The following PTPRQ variants were observed in gnomAD, a reference collection of about 807,000 sequenced individuals.
PTPRQ encodes the protein phosphatidylinositol phosphatase PTPRQ.
PTPRQ carries 199 observed loss-of-function variants against 246.0 expected under a neutral mutation model. That is an observed-to-expected ratio of 0.81 (90% CI 0.72 to 0.91). PTPRQ has a LOEUF of 0.91. Ranked by LOEUF, PTPRQ falls within the 40% of genes least tolerant of loss-of-function variation. PTPRQ has a pLI of 0.00. For missense variants in PTPRQ, 2,624 were observed against 2,528.4 expected, an observed-to-expected ratio of 1.04 and a Z score of -0.81; for synonymous variants, 869 against 853.2, an observed-to-expected ratio of 1.02 and a Z score of -0.32.
Position 80,495,043 on chromosome 12 carries a change from A to G in PTPRQ, c.1651A>G (p.Ile551Val), listed in dbSNP as rs183202655. 6.2e-5 allele frequency: 96 copies of G among 1,550,540 alleles called. No homozygotes were observed. Among genetic ancestry groups the G allele is most frequent in the African/African-American group, 5.2e-4 (38 of 73,050 alleles). Residue 551 changes from isoleucine to valine, a missense_variant, in exon 11 of 45, where the codon ATC (isoleucine) becomes GTC (valine). By Grantham distance (29) the Ile-to-Val change is conservative. Transcript: ENST00000644991. Reference sequence around the variant, plus strand: ...CATGATTAGTGTATCTGCTTTCACCATCATGGGAGAAGGACCACCAACAGT... The same window carrying G: ...CATGATTAGTGTATCTGCTTTCACCGTCATGGGAGAAGGACCACCAACAGT... ...EHMISVSAFTIMGEGPPTVLS... is the reference protein window; with the variant it reads ...EHMISVSAFTVMGEGPPTVLS...
At chr12:80,624,780 A>G (rs938201352) in intron 33 of PTPRQ, among the ~76,000 whole-genome samples, 1 of 152,200 alleles carries the variant, frequency 6.6e-6, no homozygotes, top group African/African-American at 2.4e-5. Flanking sequence ...TGACATTGAT[A>G]GAACGCTGTA....
intron 17 of PTPRQ, among the ~76,000 whole-genome samples, chr12:80,520,109 C>T (rs76948670): frequency 0.019 from 2,909 of 152,104 alleles, 95 homozygotes; most frequent in African/African-American, 0.066. Context: ...CTTATTGTCA[C>T]GAACAGTCTG....
chr12:80,675,550 T>C (rs1429921730), intron 43 of PTPRQ, among the ~76,000 whole-genome samples: 1 of 152,186 alleles, frequency 6.6e-6, no homozygotes, highest in Non-Finnish European at 1.5e-5. Flanking sequence ...TTGGGTAGGA[T>C]AGAGGATGGA....
chr12:80,495,687 C>T (rs1475289986), intron 12 of PTPRQ, among the ~76,000 whole-genome samples: 14 of 151,962 alleles, frequency 9.2e-5, no homozygotes, highest in Admixed American at 6.6e-4. Flanking sequence ...CTAAAATGTA[C>T]GAATGCAAAA....
Position 80,506,669 on chromosome 12 carries a change from T to A in PTPRQ, c.2556T>A (p.Asp852Glu). Residue 852 changes from aspartate (D) to glutamate (E), a missense_variant and splice_region_variant, in exon 16 of 45, where the codon GAT becomes GAA. Coordinates refer to ENST00000644991, the MANE Select transcript of PTPRQ (RefSeq NM_001145026.2). Reference sequence around the variant, plus strand: ...CCATAAGTATACTGACGGAGGAAGATGGTAAATATAATAGTGGATATTGAT... The same window carrying A: ...CCATAAGTATACTGACGGAGGAAGAAGGTAAATATAATAGTGGATATTGAT... ...SAPISILTEE[D>E]APDSPPQDFS... The A allele has an allele frequency of 1.3e-6, 2 of 1,539,794 alleles. No homozygotes were observed. Among genetic ancestry groups the A allele is most frequent in the Non-Finnish European group, 1.8e-6 (2 of 1,139,872 alleles).
At chr12:80,672,896 A>C (rs1257756443) in intron 42 of PTPRQ, among the ~76,000 whole-genome samples, 1 of 152,096 alleles carries the variant, frequency 6.6e-6, no homozygotes, top group Non-Finnish European at 1.5e-5. Flanking sequence ...TCAACAACAC[A>C]CCCTAAAATA....
chr12:80,636,905 C>G (rs1252390132), intron 35 of PTPRQ, among the ~76,000 whole-genome samples: 1 of 152,094 alleles, frequency 6.6e-6, no homozygotes, highest in East Asian at 1.9e-4. Flanking sequence ...CCCCTAAGCA[C>G]TATATATTTT....
intron 17 of PTPRQ, among the ~76,000 whole-genome samples, chr12:80,523,719 G>C (rs1319149765): frequency 2.0e-5 from 3 of 152,186 alleles, no homozygotes; most frequent in Non-Finnish European, 1.5e-5. Flanking sequence ...ATTGCACTGT[G>C]ATCTGAGAGA....
At position 80,542,377 on chromosome 12, in the gene PTPRQ, C is replaced by A. The variant is rs1896182285; in HGVS notation, c.3721+13C>A. ...ACAGATGAGTCAGGTAAGCCAGAATCCACATTTCTTCAAACAATTTCACTG... is the reference window on the plus strand; with the variant it reads ...ACAGATGAGTCAGGTAAGCCAGAATACACATTTCTTCAAACAATTTCACTG... On this transcript the variant is annotated intron_variant, in intron 22 of 44. Transcript: ENST00000644991. 6.6e-7 allele frequency: 1 copy of A among 1,519,576 alleles called. No homozygotes were observed. Among genetic ancestry groups the A allele is most frequent in the East Asian group, 2.5e-5 (1 of 40,562 alleles). 94.1% of individuals were successfully genotyped at this position (1,519,576 alleles called of 1,614,324 possible). A position where few individuals can be genotyped will look rare whatever the true frequency, so the allele number is the denominator to read the frequency against.
chr12:80,520,658 G>A (rs1159205452), intron 17 of PTPRQ, among the ~76,000 whole-genome samples: 1 of 151,842 alleles, frequency 6.6e-6, no homozygotes, highest in African/African-American at 2.4e-5. Flanking sequence ...ATGGTTTCCA[G>A]CTTCATCCAT....
intron 17 of PTPRQ, among the ~76,000 whole-genome samples, chr12:80,530,358 A>G (rs1453518136): frequency 6.6e-6 from 1 of 152,198 alleles, no homozygotes. Context: ...TTTTGAGGAT[A>G]GGGGCTGTAT....
At chr12:80,664,818 T>C (rs1900736267) in intron 39 of PTPRQ, among the ~76,000 whole-genome samples, 1 of 152,048 alleles carries the variant, frequency 6.6e-6, no homozygotes, top group African/African-American at 2.4e-5. Flanking sequence ...TCAGCAGCTC[T>C]GACTCTTTCA....
rs930413331 is a variant in PTPRQ, at chr12:80,603,688, T to C, written c.4610-1371T>C. On this transcript the variant is annotated intron_variant, in intron 26 of 44. Coordinates refer to ENST00000644991, the MANE Select transcript of PTPRQ (RefSeq NM_001145026.2). ...CTATCTGTCTGTGGGTCCTGTTGTTTATGTCTTTGTGGCTTTTCTATGATC... is the reference window on the plus strand; with the variant it reads ...CTATCTGTCTGTGGGTCCTGTTGTTCATGTCTTTGTGGCTTTTCTATGATC... Among the ~76,000 whole-genome samples the C allele has an allele frequency of 9.9e-5, 15 of 151,720 alleles. No homozygotes were observed. The East Asian group carries it at 1.2e-3, about 12-fold the overall frequency.
At chr12:80,544,455 C>CT (rs1348966578) in intron 23 of PTPRQ, among the ~76,000 whole-genome samples, 1 of 152,132 alleles carries the variant, frequency 6.6e-6, no homozygotes, top group East Asian at 1.9e-4. Flanking sequence ...AGAAGCACAT[C>CT]TTTAATATTT....
intron 3 of PTPRQ, among the ~76,000 whole-genome samples, chr12:80,454,111 T>C (rs1892878205): frequency 8.1e-6 from 1 of 123,298 alleles, no homozygotes. Context: ...CACCTTGCAG[T>C]TTGATCTCAG....
chr12:80,558,123 C>CTT (rs554678764), intron 25 of PTPRQ, among the ~76,000 whole-genome samples: 1 of 72,162 alleles, frequency 1.4e-5, no homozygotes, highest in South Asian at 4.9e-4. Flanking sequence ...TTCTTTCTTT[C>CTT]TTTTCTTTTC....
chr12:80,678,781 A>G, intron 44 of PTPRQ, 56 bp downstream of exon 44: 1 of 1,482,038 alleles, frequency 6.7e-7, no homozygotes, highest in Non-Finnish European at 9.0e-7. Context: ...TACGGTAAGA[A>G]CATAAATTTC....
intron 17 of PTPRQ, chr12:80,512,821 G>C (rs1031898106): frequency 6.6e-6 from 1 of 151,988 alleles, no homozygotes; most frequent in Admixed American, 6.6e-5. Flanking sequence ...ATTTTCTGAG[G>C]TAGTCTGGGT....
In PTPRQ at chr12:80,669,331, G is replaced by T. The variant is rs12302088; in HGVS notation, c.6328-8G>T. 3.7e-5 allele frequency: 57 copies of T among 1,548,386 alleles called. No homozygotes were observed. In the African/African-American group the frequency reaches 6.6e-4, roughly 18 times the overall value. On this transcript the variant is annotated splice_region_variant and splice_polypyrimidine_tract_variant and intron_variant, in intron 40 of 44. Coordinates refer to ENST00000644991, the MANE Select transcript of PTPRQ (RefSeq NM_001145026.2). ...ACGCTTATGACTGATGATTTTCTCT[G>T]AATGCAGATCAGATGCCATCAGTAT...
Sources: allele counts gnomAD v4.1 joint callset (sites outside exome capture counted in the v4.1 genomes callset), GRCh38; gene constraint gnomAD v4.1.1; transcripts MANE v1.5; gene names NCBI Gene and HGNC (gene_info 2026-07-23, HGNC 2026-07-21).